The following DISP3 variants were observed in gnomAD, a reference collection of about 807,000 sequenced individuals.
The protein encoded by DISP3 is dispatched RND transporter family member 3, also known as protein dispatched homolog 3.
A neutral mutation model predicts 135.3 loss-of-function variants in DISP3; 101 were observed. The ratio of observed to expected loss-of-function variants is 0.75; its 90% CI spans 0.64 to 0.88. DISP3 has a LOEUF of 0.88. Among genes scored for constraint, DISP3 ranks in the 40% least tolerant of loss-of-function variants. The pLI, the probability that DISP3 is intolerant of heterozygous loss-of-function variation, is 0.00. For missense variants in DISP3, 1,713 were observed against 1,878.6 expected, an observed-to-expected ratio of 0.91 and a Z score of 1.63; for synonymous variants, 856 against 817.0, an observed-to-expected ratio of 1.05 and a Z score of -0.81.
rs980858812 is a variant in DISP3 at position 11,529,523 on chromosome 1, C to G, written c.2799-33C>G. ...CCTCCCCTGACTCCTCCTAGCCTTT[C>G]CGGCCTCAGCCCAGCCTCCATTCCC... is the stretch of plus-strand genomic sequence containing the variant. On this transcript the variant is annotated intron_variant, in intron 13 of 20. Transcript: ENST00000294484. This position sits in a 1 kb window ranked among gnomAD's most constrained non-coding sequence, Gnocchi z 4.7. 6.5e-7 allele frequency: 1 copy of G among 1,532,954 alleles called. No homozygotes were observed. Among genetic ancestry groups the G allele is most frequent in the Non-Finnish European group, 8.8e-7 (1 of 1,137,598 alleles). 95.0% of individuals were successfully genotyped at this position (1,532,954 alleles called of 1,614,324 possible). A position where few individuals can be genotyped will look rare whatever the true frequency, so the allele number is the denominator to read the frequency against.
At position 11,520,868 on chromosome 1, in the gene DISP3, T is replaced by C. The variant is rs374118039; in HGVS notation, c.2362+20T>C. The C allele has an allele frequency of 6.2e-5, 97 of 1,576,912 alleles. No individual in the cohort carries two copies. Among genetic ancestry groups the C allele is most frequent in the Non-Finnish European group, 8.1e-5 (94 of 1,160,660 alleles). On this transcript the variant is annotated intron_variant, in intron 10 of 20. Transcript: ENST00000294484. This position sits in a 1 kb window ranked among gnomAD's most constrained non-coding sequence, Gnocchi z 4.8. ...GTTCAGGTGAGGCTTCTAGCCAGGC[T>C]GTCCCTGGCCCGCTCAGGTGTCCGG...
In DISP3 at chr1:11,501,084, C is replaced by A; in HGVS notation, c.92C>A (p.Ala31Asp). The A allele has an allele frequency of 6.2e-7, 1 of 1,614,058 alleles. No individual in the cohort carries two copies. The highest frequency in any genetic ancestry group is 8.5e-7 in the Non-Finnish European group (1 of 1,179,998). The change falls in exon 2 of 21, where the codon GCC becomes GAC. Residue 31 changes from alanine to aspartate, a missense_variant. Physicochemically the swap from Ala to Asp is moderately radical, Grantham distance 126 (BLOSUM62 -2). Transcript: ENST00000294484. The surrounding 1 kb of genome is among the most constrained non-coding windows in gnomAD (Gnocchi z 4.9). Reference sequence around the variant, plus strand: ...GCAACGGGTGAAACCTTTTTAGGGGCCCAGAAGCCAGGGCCCCAACCTGGG... The same window carrying A: ...GCAACGGGTGAAACCTTTTTAGGGGACCAGAAGCCAGGGCCCCAACCTGGG... ...EEATGETFLG[A>D]QKPGPQPGAG...
chr1:11,493,785 G>A (rs1199161487), intron 1 of DISP3, among the ~76,000 whole-genome samples: 1 of 152,002 alleles, frequency 6.6e-6, no homozygotes, highest in Admixed American at 6.5e-5. Flanking sequence ...CCAGAATCAT[G>A]TTTGGCCAAA....
intron 17 of DISP3, chr1:11,533,611 G>A: frequency 1.6e-6 from 1 of 618,928 alleles, no homozygotes; most frequent in Non-Finnish European, 2.9e-6. Flanking sequence ...GCAAGTGTCA[G>A]AACTCACCTC....
In DISP3 at chr1:11,536,608, G is replaced by C. The variant is rs1557625759; in HGVS notation, c.4101G>C (p.Gly1367=). Residue 1367 remains glycine, a synonymous_variant, in exon 21 of 21, where the codon GGG becomes GGC. Coordinates refer to ENST00000294484, the MANE Select transcript of DISP3 (RefSeq NM_020780.2). The surrounding 1 kb of genome is among the most constrained non-coding windows in gnomAD (Gnocchi z 4.3). The part of the protein sequence containing the change: ...LKALGAVLLA[G]ALGLGACLVL... ...CCCTGGGTGCCGTGCTGCTGGCAGG[G>C]GCCCTGGGGCTGGGTGCCTGCCTCG... 3 of 1,610,370 alleles carry C rather than the reference G, an allele frequency of 1.9e-6. No individual in the cohort carries two copies. Among genetic ancestry groups the C allele is most frequent in the Admixed American group, 3.3e-5 (2 of 59,814 alleles).
Position 11,520,573 on chromosome 1 carries a change from T to G in DISP3, c.2201-114T>G. The G allele has an allele frequency of 7.9e-7, 1 of 1,263,622 alleles. No individual in the cohort carries two copies. Among genetic ancestry groups the G allele is most frequent in the Non-Finnish European group, 1.1e-6 (1 of 908,830 alleles). The allele number at this position is 1,263,622 out of a possible 1,614,324, so 78.3% of individuals were successfully genotyped here. ...GCATGCAGGGCCTTCCCCCGCACCCTTAGGACACCCGCCCCCCAACAACCA... is the reference window on the plus strand; with the variant it reads ...GCATGCAGGGCCTTCCCCCGCACCCGTAGGACACCCGCCCCCCAACAACCA... On this transcript the variant is annotated intron_variant, in intron 9 of 20. Coordinates refer to ENST00000294484, the MANE Select transcript of DISP3 (RefSeq NM_020780.2). The surrounding 1 kb of genome is among the most constrained non-coding windows in gnomAD (Gnocchi z 4.8).
At chr1:11,532,957 C>T (rs1324471946) in intron 17 of DISP3, among the ~76,000 whole-genome samples, 5 of 152,104 alleles carry the variant, frequency 3.3e-5, no homozygotes, top group East Asian at 1.9e-4. Context: ...CCACCCACCT[C>T]GGCCTCCCAA....
In DISP3 at chr1:11,516,888, G is replaced by A. The variant is rs183134166; in HGVS notation, c.1750-575G>A. ...AGGCTGTGTGACCTCTCTGAGCCTC[G>A]CTTTCCTCATGTGTGGATTATCCAG... On this transcript the variant is annotated intron_variant, in intron 6 of 20. Transcript: ENST00000294484. This position sits in a 1 kb window ranked among gnomAD's most constrained non-coding sequence, Gnocchi z 5.1. 2.0e-5 allele frequency among the ~76,000 whole-genome samples: 3 copies of A among 152,272 alleles called. No individual in the cohort carries two copies. Among genetic ancestry groups the A allele is most frequent in the East Asian group, 1.9e-4 (1 of 5,182 alleles).
intron 3 of DISP3, 75 bp from the exon 4 acceptor site, chr1:11,514,315 T>TACATGTTC: frequency 6.7e-7 from 1 of 1,493,714 alleles, no homozygotes; most frequent in South Asian, 1.2e-5. Context: ...GATACTCCTC[T>TACATGTTC]ACATGTTCAC....
At chr1:11,530,775 A>AT in intron 15 of DISP3, 132 bp from the exon 16 acceptor site, 4 of 1,232,510 alleles carry the variant, frequency 3.2e-6, no homozygotes, top group Non-Finnish European at 4.6e-6. Flanking sequence ...GAGCAGTTGC[A>AT]GGCTGCCAAC....
chr1:11,534,642 CAA>C (rs1642660214), intron 18 of DISP3, 102 bp downstream of exon 18: 1 of 1,434,474 alleles, frequency 7.0e-7, no homozygotes, highest in African/African-American at 1.4e-5. Context: ...CCATCCTGGC[CAA>C]GAGCCCTGAG....
intron 1 of DISP3, among the ~76,000 whole-genome samples, chr1:11,488,926 G>A (rs1017283907): frequency 6.6e-6 from 1 of 152,174 alleles, no homozygotes. Flanking sequence ...AATTTGCTGC[G>A]TGGATGCAAC....
chr1:11,513,162 G>C (rs555877796), intron 3 of DISP3, among the ~76,000 whole-genome samples: 32 of 152,232 alleles, frequency 2.1e-4, no homozygotes, highest in Admixed American at 1.6e-3. Context: ...GCATGCATCT[G>C]TAGTCTAGCT....
chr1:11,525,129 C>G (rs1354092305), intron 11 of DISP3, 47 bp from the exon 12 acceptor site: 1 of 1,603,874 alleles, frequency 6.2e-7, no homozygotes, highest in Non-Finnish European at 8.5e-7. Context: ...CAGGAGAAGC[C>G]AGTCGAGGTC....
At chr1:11,490,577 G>A (rs1028540913) in intron 1 of DISP3, among the ~76,000 whole-genome samples, 5 of 152,076 alleles carry the variant, frequency 3.3e-5, no homozygotes, top group African/African-American at 1.2e-4. Flanking sequence ...CCATGTTGGT[G>A]ATTTTATTAA....
chr1:11,532,419 C>A (rs1642599269), intron 17 of DISP3, among the ~76,000 whole-genome samples: 1 of 152,218 alleles, frequency 6.6e-6, no homozygotes, highest in Admixed American at 6.5e-5. Context: ...GAGATAAGAA[C>A]ACATGGGAAA....
chr1:11,524,184 A>G, intron 11 of DISP3, 129 bp downstream of exon 11: 1 of 715,504 alleles, frequency 1.4e-6, no homozygotes, highest in Non-Finnish European at 2.3e-6. Flanking sequence ...TGGTCACTGC[A>G]GAGGAGCTGG....
rs933337858 is a variant in DISP3, at chr1:11,531,118, C to A, written c.3229+85C>A. The A allele has an allele frequency of 3.1e-5, 48 of 1,571,664 alleles. No individual in the cohort carries two copies. The Admixed American group carries it at 8.2e-4, about 27-fold the overall frequency. ...AGAGGCCGTGGTCCAAGGTAGACAG[C>A]CCGAAGGACAGTGTCTGGCATGTGG... On this transcript the variant is annotated intron_variant, in intron 16 of 20. Transcript: ENST00000294484. The surrounding 1 kb of genome is among the most constrained non-coding windows in gnomAD (Gnocchi z 5.2).
In DISP3 at chr1:11,531,599, C is replaced by T. The variant is rs1329642595; in HGVS notation, c.3264C>T (p.His1088=). ...TCTCCTCCTTCCTGCAGATGTTGCA[C>T]CCTGAGTGCAAGGAGCTGCCCGAGC... The part of the protein sequence containing the change: ...YSISSFLQML[H]PECKELPEPN... The change falls in exon 17 of 21, where the codon CAC becomes CAT. Residue 1088 remains histidine (H), a synonymous_variant. Coordinates refer to ENST00000294484, the MANE Select transcript of DISP3 (RefSeq NM_020780.2). This position sits in a 1 kb window ranked among gnomAD's most constrained non-coding sequence, Gnocchi z 5.2. 5.6e-6 allele frequency: 9 copies of T among 1,613,488 alleles called. No homozygotes were observed. Among genetic ancestry groups the T allele is most frequent in the Non-Finnish European group, 7.6e-6 (9 of 1,179,992 alleles).
Sources: allele counts gnomAD v4.1 joint callset (sites outside exome capture counted in the v4.1 genomes callset), GRCh38; gene constraint gnomAD v4.1.1; non-coding constraint Gnocchi (gnomAD v3.1); transcripts MANE v1.5; gene names NCBI Gene and HGNC (gene_info 2026-07-23, HGNC 2026-07-21).